SENP6: variants seen among roughly 807,000 people sequenced by gnomAD.
SENP6 encodes the protein SUMO specific peptidase 6.
SENP6 carries 41 observed loss-of-function variants against 134.5 expected under a neutral mutation model. The ratio of observed to expected loss-of-function variants is 0.30; its 90% confidence interval spans 0.24 to 0.40. The LOEUF is 0.40. SENP6 is among the 10% of genes least tolerant of loss of function. SENP6 has a pLI of 1.00. For synonymous variants in SENP6, 395 were observed against 429.8 expected, an observed-to-expected ratio of 0.92 and a Z score of 1.00; for missense variants, 1,248 against 1,312.5, an observed-to-expected ratio of 0.95 and a Z score of 0.76.
intron 21 of SENP6, among the ~76,000 whole-genome samples, 186 bp from the exon 22 acceptor site, chr6:75,713,323 TTAAG>T (rs1368842600): frequency 1.3e-5 from 2 of 152,162 alleles, no homozygotes; most frequent in African/African-American, 4.8e-5. Flanking sequence ...CCATAGATAT[TTAAG>T]TATTATTAGA....
chr6:75,713,642 G>A, intron 22 of SENP6, 33 bp from the exon 23 acceptor site: 1 of 1,582,812 alleles, frequency 6.3e-7, no homozygotes, highest in Non-Finnish European at 8.7e-7. Context: ...ATTTATATAT[G>A]TGTGTATTCT....
At chr6:75,608,465 AAGAG>A (rs933752787) in intron 1 of SENP6, among the ~76,000 whole-genome samples, 4 of 151,918 alleles carry the variant, frequency 2.6e-5, no homozygotes, top group Admixed American at 1.3e-4. Flanking sequence ...AGAAAGAAAA[AAGAG>A]AGGGAGGGAG....
chr6:75,609,986 C>T (rs1767323035), intron 1 of SENP6, among the ~76,000 whole-genome samples: 2 of 152,188 alleles, frequency 1.3e-5, no homozygotes, highest in South Asian at 2.1e-4. Flanking sequence ...TGGGGTTTCT[C>T]CATGTTGTCC....
intron 14 of SENP6, 96 bp from the exon 15 acceptor site, chr6:75,678,484 ATCC>A (rs1157272009): frequency 1.5e-6 from 1 of 656,678 alleles, no homozygotes; most frequent in Non-Finnish European, 2.7e-6. Context: ...CACATTTTTA[ATCC>A]TTTTGCATTG....
chr6:75,602,424 C>T lies in SENP6; in HGVS notation c.-101C>T, dbSNP rs1766693590. 1.7e-5 allele frequency: 23 copies of T among 1,380,972 alleles called. No homozygotes were observed. The East Asian group carries it at 5.7e-4, about 34-fold the overall frequency. The allele number at this position is 1,380,972 out of a possible 1,614,324, so 85.5% of individuals were successfully genotyped here. ...TGACGGCTGAGCCCGAGGCCCGCAA[C>T]CCTGCGGCGTCTACCCTCCTCCGGC... On this transcript the variant is annotated 5_prime_UTR_variant, in exon 1 of 24. Transcript: ENST00000447266.
intron 1 of SENP6, among the ~76,000 whole-genome samples, chr6:75,608,049 T>G (rs1767157561): frequency 6.6e-6 from 1 of 152,236 alleles, no homozygotes; most frequent in South Asian, 2.1e-4. Flanking sequence ...CCTTATTTAC[T>G]CCTTACTTAA....
At chr6:75,615,406 C>G (rs749229224) in intron 1 of SENP6, among the ~76,000 whole-genome samples, 3 of 152,094 alleles carry the variant, frequency 2.0e-5, no homozygotes, top group African/African-American at 2.4e-5. Context: ...TCTCAAACTC[C>G]TGACCTCAAG....
intron 16 of SENP6, among the ~76,000 whole-genome samples, chr6:75,683,469 C>T (rs1582850437): frequency 6.6e-6 from 1 of 152,290 alleles, no homozygotes; most frequent in African/African-American, 2.4e-5. Flanking sequence ...GAAGTCCTTG[C>T]CCATGCCTAT....
intron 7 of SENP6, among the ~76,000 whole-genome samples, chr6:75,652,696 A>AAAAAAAAAAAAAAAAAAAG (rs796549538): frequency 1.3e-5 from 2 of 148,708 alleles, no homozygotes; most frequent in South Asian, 2.1e-4. Context: ...AAAAAAAAAA[A>AAAAAAAAAAAAAAAAAAAG]AAAAAAAGAA....
chr6:75,606,392 A>G (rs555031608), intron 1 of SENP6, among the ~76,000 whole-genome samples: 2 of 152,170 alleles, frequency 1.3e-5, no homozygotes, highest in South Asian at 4.2e-4. Context: ...TTTTCCACTT[A>G]TGATAGACAG....
intron 8 of SENP6, 146 bp from the exon 9 acceptor site, chr6:75,663,075 C>T: frequency 3.0e-6 from 2 of 677,610 alleles, no homozygotes; most frequent in Non-Finnish European, 4.9e-6. Flanking sequence ...GAGGGGATTC[C>T]TTAATGATGC....
intron 5 of SENP6, among the ~76,000 whole-genome samples, chr6:75,639,962 CCTT>C (rs1769900021): frequency 6.6e-6 from 1 of 152,088 alleles, no homozygotes; most frequent in Admixed American, 6.6e-5. Context: ...GTAGTCTCCT[CCTT>C]ATTTGTGGTT....
At chr6:75,643,708 A>G (rs192769204) in intron 6 of SENP6, among the ~76,000 whole-genome samples, 3 of 152,254 alleles carry the variant, frequency 2.0e-5, no homozygotes, top group Admixed American at 6.5e-5. Flanking sequence ...GGTGACAGCA[A>G]GGCGCCATCT....
At chr6:75,629,508 C>T (rs771575017) in intron 3 of SENP6, among the ~76,000 whole-genome samples, 14 of 152,198 alleles carry the variant, frequency 9.2e-5, no homozygotes, top group Admixed American at 2.0e-4. Flanking sequence ...CCATGGTGGC[C>T]AGGCTGGTCT....
chr6:75,677,122 A>G lies in SENP6; in HGVS notation c.1714A>G (p.Ile572Val), dbSNP rs766701592. The G allele has an allele frequency of 1.9e-6, 3 of 1,609,950 alleles. No individual in the cohort carries two copies. Among genetic ancestry groups the G allele is most frequent in the African/African-American group, 1.3e-5 (1 of 74,838 alleles). Residue 572 changes from isoleucine to valine, a missense_variant, in exon 14 of 24, where the codon ATA becomes GTA. By Grantham distance (29) the Ile-to-Val change is conservative. Transcript: ENST00000447266. ...VFESIINEIG[I>V]KNNISNFFAK... ...TGAAAGTATCATTAATGAAATTGGT[A>G]TAAAGAATAACATCTCCAATTTTTT...
At chr6:75,704,820 A>C (rs940857745) in intron 19 of SENP6, among the ~76,000 whole-genome samples, 1 of 152,168 alleles carries the variant, frequency 6.6e-6, no homozygotes, top group Non-Finnish European at 1.5e-5. Context: ...AGACTAGAGA[A>C]TGGTGATGAC....
chr6:75,698,515 G>A (rs894722782), intron 18 of SENP6, among the ~76,000 whole-genome samples: 3 of 150,548 alleles, frequency 2.0e-5, no homozygotes, highest in African/African-American at 7.3e-5. Context: ...TTTAACTTTT[G>A]TAGAGGTGAG....
intron 1 of SENP6, among the ~76,000 whole-genome samples, chr6:75,604,169 A>G (rs936710649): frequency 6.6e-6 from 1 of 152,258 alleles, no homozygotes; most frequent in African/African-American, 2.4e-5. Flanking sequence ...GGATTAAAAC[A>G]AGCACAAATA....
chr6:75,665,981 G>A (rs929607856), intron 9 of SENP6, among the ~76,000 whole-genome samples: 4 of 150,582 alleles, frequency 2.7e-5, no homozygotes, highest in Admixed American at 6.7e-5. Flanking sequence ...AGACAAGATC[G>A]CGCACTGTAC....
Sources: allele counts gnomAD v4.1 joint callset (sites outside exome capture counted in the v4.1 genomes callset), GRCh38; gene constraint gnomAD v4.1.1; transcripts MANE v1.5; gene names NCBI Gene and HGNC (gene_info 2026-07-23, HGNC 2026-07-21).